Variants in CCSER1 observed in about 807,000 individuals in gnomAD.
The protein encoded by CCSER1 is coiled-coil serine rich protein 1.
Under a neutral mutation model 82.0 loss-of-function variants are expected in CCSER1, and 41 were observed. The observed-to-expected ratio is 0.50, with a 90% CI of 0.39 to 0.65. CCSER1 has a LOEUF of 0.65. Ranked by LOEUF, CCSER1 falls within the 30% of genes least tolerant of loss-of-function variation. The pLI, the probability that CCSER1 is intolerant of heterozygous loss-of-function variation, is 0.00. For missense variants in CCSER1, 1,119 were observed against 1,064.2 expected (o/e 1.05, Z -0.72); for synonymous variants, 414 against 383.9 (o/e 1.08, Z -0.92).
intron 3 of CCSER1, among the ~76,000 whole-genome samples, chr4:90,346,372 A>G (rs1396890202): frequency 1.3e-5 from 2 of 150,984 alleles, no homozygotes; most frequent in African/African-American, 4.9e-5. Context: ...ATTGCAGTAA[A>G]ATTATGGTAA....
chr4:91,279,522 A>C (rs1274128798), intron 10 of CCSER1, among the ~76,000 whole-genome samples: 1 of 151,820 alleles, frequency 6.6e-6, no homozygotes, highest in East Asian at 1.9e-4. Flanking sequence ...TGCTTGATCT[A>C]GTCCTTTGTC....
intron 4 of CCSER1, among the ~76,000 whole-genome samples, chr4:90,458,783 A>C (rs1035227020): frequency 1.6e-4 from 24 of 152,224 alleles, no homozygotes; most frequent in Admixed American, 1.2e-3. Context: ...TTCTAATATT[A>C]TGTGTGGAAT....
At chr4:90,150,975 C>G (rs974383569) in intron 1 of CCSER1, among the ~76,000 whole-genome samples, 2 of 150,070 alleles carry the variant, frequency 1.3e-5, no homozygotes, top group Non-Finnish European at 3.0e-5. Flanking sequence ...ATTTTTTTTT[C>G]CTCCTCACAA....
chr4:90,852,322 C>T (rs190834637), intron 8 of CCSER1, among the ~76,000 whole-genome samples: 1 of 151,140 alleles, frequency 6.6e-6, no homozygotes, highest in East Asian at 2.0e-4. Context: ...TCCTCTGGTA[C>T]TTGCTGGAAA....
chr4:90,839,180 T>G, intron 8 of CCSER1: 1 of 721,606 alleles, frequency 1.4e-6, no homozygotes. Context: ...GAAATATTAT[T>G]ATGATCTTTG....
At chr4:91,502,492 C>A (rs973679977) in intron 10 of CCSER1, among the ~76,000 whole-genome samples, 10 of 152,092 alleles carry the variant, frequency 6.6e-5, no homozygotes, top group African/African-American at 2.4e-4. Context: ...TTCTTGTTTT[C>A]CAAGCCTCAG....
At chr4:90,838,889 C>T (rs11266888) in intron 8 of CCSER1, 3 of 1,613,052 alleles carry the variant, frequency 1.9e-6, no homozygotes, top group South Asian at 2.2e-5. Context: ...TGCATATTGG[C>T]GGCGCACGCC....
At chr4:90,550,758 G>A (rs544762219) in intron 5 of CCSER1, among the ~76,000 whole-genome samples, 3 of 152,000 alleles carry the variant, frequency 2.0e-5, no homozygotes, top group South Asian at 2.1e-4. Context: ...AAATATATAC[G>A]ACTTTTATTT....
intron 10 of CCSER1, among the ~76,000 whole-genome samples, chr4:91,320,460 T>C (rs756675215): frequency 6.6e-6 from 1 of 152,016 alleles, no homozygotes; most frequent in Non-Finnish European, 1.5e-5. Context: ...TTTTTCCTAA[T>C]AAAAAGACTG....
At chr4:91,387,139 T>C (rs918008038) in intron 10 of CCSER1, among the ~76,000 whole-genome samples, 1 of 152,060 alleles carries the variant, frequency 6.6e-6, no homozygotes, top group Admixed American at 6.6e-5. Context: ...AAACTGTGAT[T>C]CTGCAAGAGG....
chr4:90,707,699 G>A (rs1167585067), intron 6 of CCSER1, among the ~76,000 whole-genome samples: 1 of 152,002 alleles, frequency 6.6e-6, no homozygotes, highest in African/African-American at 2.4e-5. Context: ...TGGTGCATTT[G>A]CCATATTTTA....
At chr4:90,457,657 G>A (rs1762361082) in intron 4 of CCSER1, among the ~76,000 whole-genome samples, 1 of 152,136 alleles carries the variant, frequency 6.6e-6, no homozygotes, top group South Asian at 2.1e-4. Flanking sequence ...CTGAGTCCAG[G>A]CTTTTATGGG....
intron 9 of CCSER1, among the ~76,000 whole-genome samples, chr4:90,975,957 G>T (rs1024239295): frequency 6.6e-6 from 1 of 151,154 alleles, no homozygotes; most frequent in African/African-American, 2.4e-5. Flanking sequence ...AATTTAGAGT[G>T]GGTAACATGT....
At chr4:90,994,131 C>T (rs1045120274) in intron 9 of CCSER1, among the ~76,000 whole-genome samples, 1 of 151,760 alleles carries the variant, frequency 6.6e-6, no homozygotes, top group Non-Finnish European at 1.5e-5. Context: ...CCCAGGAGTT[C>T]GAGGCTGTAG....
intron 1 of CCSER1, among the ~76,000 whole-genome samples, chr4:90,192,198 C>T (rs914621094): frequency 6.6e-6 from 1 of 151,892 alleles, no homozygotes; most frequent in Non-Finnish European, 1.5e-5. Flanking sequence ...TGGCAGCAGG[C>T]AAAGAGAGCT....
rs573555476 is a variant in CCSER1 at position 91,125,758 on chromosome 4, A to T, written c.2217+39764A>T. 4.6e-5 allele frequency among the ~76,000 whole-genome samples: 7 copies of T among 151,866 alleles called. No homozygotes were observed. In the South Asian group the frequency reaches 1.5e-3, roughly 31 times the overall value. ...ATTTTCAACTTTAACACCGAAAAAA[A>T]TGAGAATTATTGTACATAATTGTAA... On this transcript the variant is annotated intron_variant, in intron 10 of 10. Coordinates refer to ENST00000509176, the MANE Select transcript of CCSER1 (RefSeq NM_001145065.2).
At chr4:90,401,590 G>C (rs1248157669) in intron 4 of CCSER1, among the ~76,000 whole-genome samples, 1 of 152,080 alleles carries the variant, frequency 6.6e-6, no homozygotes, top group African/African-American at 2.4e-5. Flanking sequence ...CTGGAGTCCA[G>C]TGGCGTGATC....
chr4:91,149,435 T>C (rs1729903794), intron 10 of CCSER1, among the ~76,000 whole-genome samples: 1 of 152,214 alleles, frequency 6.6e-6, no homozygotes, highest in African/African-American at 2.4e-5. Flanking sequence ...GGTTGCCTAT[T>C]CACTCTGATG....
intron 10 of CCSER1, among the ~76,000 whole-genome samples, chr4:91,144,447 G>A (rs901956915): frequency 1.3e-5 from 2 of 151,366 alleles, no homozygotes; most frequent in African/African-American, 4.9e-5. Flanking sequence ...GAATTTTTGG[G>A]TCTCAATTTC....
Sources: allele counts gnomAD v4.1 joint callset (sites outside exome capture counted in the v4.1 genomes callset), GRCh38; gene constraint gnomAD v4.1.1; transcripts MANE v1.5; gene names NCBI Gene and HGNC (gene_info 2026-07-23, HGNC 2026-07-21).